The following CNTN1 variants were observed in gnomAD, a reference collection of about 807,000 sequenced individuals.
CNTN1 encodes the protein contactin-1.
CNTN1 carries 38 observed loss-of-function variants against 126.4 expected under a neutral mutation model. The ratio of observed to expected loss-of-function variants is 0.30; its 90% confidence interval spans 0.23 to 0.39. CNTN1 has a LOEUF of 0.39. CNTN1 is among the 10% of genes least tolerant of loss of function. The probability of loss-of-function intolerance (pLI) is 1.00; values close to 1 mark genes in which losing one functional copy is unlikely to be tolerated. For synonymous variants in CNTN1, 413 were observed against 422.6 expected (o/e 0.98, Z 0.28); for missense variants, 1,009 against 1,248.4 (o/e 0.81, Z 2.89).
intron 15 of CNTN1, among the ~76,000 whole-genome samples, chr12:40,968,811 A>G (rs1045277106): frequency 6.6e-6 from 1 of 152,188 alleles, no homozygotes; most frequent in African/African-American, 2.4e-5. Flanking sequence ...ATTCAACTAC[A>G]TGAATATGCT....
At chr12:40,824,987 G>T (rs1941564405) in intron 1 of CNTN1, among the ~76,000 whole-genome samples, 1 of 152,162 alleles carries the variant, frequency 6.6e-6, no homozygotes, top group African/African-American at 2.4e-5. Flanking sequence ...TAGCGACCGT[G>T]TGCATTACTC....
intron 17 of CNTN1, among the ~76,000 whole-genome samples, chr12:41,005,699 T>C (rs1485208602): frequency 6.6e-6 from 1 of 152,204 alleles, no homozygotes; most frequent in East Asian, 1.9e-4. Flanking sequence ...TTTCCTCTGC[T>C]TGGTCTATTC....
chr12:40,791,205 A>G (rs1940209393), intron 1 of CNTN1, among the ~76,000 whole-genome samples: 1 of 152,138 alleles, frequency 6.6e-6, no homozygotes, highest in East Asian at 1.9e-4. Flanking sequence ...ATTTTAGCAA[A>G]TGAAAAGAGA....
chr12:40,955,827 G>T (rs1385243453), intron 14 of CNTN1, among the ~76,000 whole-genome samples: 1 of 152,080 alleles, frequency 6.6e-6, no homozygotes, highest in Non-Finnish European at 1.5e-5. Flanking sequence ...GATATGGGAG[G>T]GGTATCCAAA....
intron 17 of CNTN1, among the ~76,000 whole-genome samples, chr12:41,007,988 G>T (rs1241717537): frequency 6.6e-6 from 1 of 152,160 alleles, no homozygotes; most frequent in Non-Finnish European, 1.5e-5. Flanking sequence ...GTTACTTTCT[G>T]CCTAAGTGAT....
At chr12:40,845,396 A>T (rs7300719) in intron 1 of CNTN1, among the ~76,000 whole-genome samples, 81,210 of 152,106 alleles carry the variant, frequency 0.53, 22,279 homozygotes, top group East Asian at 0.76. Flanking sequence ...ACACAGGTTA[A>T]TTTAACTTGT....
chr12:40,975,082 C>T (rs2137054595), intron 15 of CNTN1, among the ~76,000 whole-genome samples: 1 of 150,718 alleles, frequency 6.6e-6, no homozygotes, highest in African/African-American at 2.4e-5. Context: ...TACCAGAAAA[C>T]CCTGTCTTTG....
intron 1 of CNTN1, among the ~76,000 whole-genome samples, chr12:40,820,477 T>TGTAG (rs1941410135): frequency 6.6e-6 from 1 of 151,462 alleles, no homozygotes; most frequent in South Asian, 2.1e-4. Context: ...GGACCTGGAG[T>TGTAG]GTAGGTAACT....
chr12:40,720,409 G>GGTGT (rs10636043), intron 1 of CNTN1, among the ~76,000 whole-genome samples: 258 of 149,128 alleles, frequency 1.7e-3, no homozygotes, highest in African/African-American at 3.5e-3. Context: ...ATCTCAAAGG[G>GGTGT]GTGTGTGTGT....
chr12:40,849,150 A>C (rs1942625681), intron 1 of CNTN1, among the ~76,000 whole-genome samples: 1 of 152,114 alleles, frequency 6.6e-6, no homozygotes. Context: ...TGATCATTAA[A>C]ATGGGGATTA....
intron 15 of CNTN1, among the ~76,000 whole-genome samples, chr12:40,968,628 C>CT (rs1327889114): frequency 5.9e-5 from 9 of 152,102 alleles, no homozygotes; most frequent in African/African-American, 2.2e-4. Flanking sequence ...AATGTCTACA[C>CT]TTATAGGATT....
intron 1 of CNTN1, among the ~76,000 whole-genome samples, chr12:40,755,780 AG>A (rs1053960930): frequency 6.6e-6 from 1 of 151,966 alleles, no homozygotes; most frequent in African/African-American, 2.4e-5. Flanking sequence ...CTTATGTATA[AG>A]GGGGAAGTTT....
intron 1 of CNTN1, among the ~76,000 whole-genome samples, chr12:40,814,693 C>T (rs1941199686): frequency 6.6e-6 from 1 of 151,936 alleles, no homozygotes; most frequent in East Asian, 1.9e-4. Flanking sequence ...TTTTTTGGTT[C>T]CATATGAACT....
At chr12:40,986,028 T>A (rs1348102111) in intron 16 of CNTN1, among the ~76,000 whole-genome samples, 1 of 152,216 alleles carries the variant, frequency 6.6e-6, no homozygotes, top group Non-Finnish European at 1.5e-5. Flanking sequence ...CTTTATTGTG[T>A]TCAGGAATTT....
In CNTN1 at chr12:41,036,326, G is replaced by C. The variant is rs1431019016; in HGVS notation, c.2980+7107G>C. Among the ~76,000 whole-genome samples, 3 of 152,094 alleles carry C rather than the reference G, an allele frequency of 2.0e-5. No individual in the cohort carries two copies. In the South Asian group the frequency reaches 6.2e-4, roughly 32 times the overall value. On this transcript the variant is annotated intron_variant, in intron 23 of 23. Transcript: ENST00000551295. ...AGGGAGATGCAGGAGGGCATTGAGA[G>C]CAAGAAGAATGATGCTGAGATTCTG... is the stretch of plus-strand genomic sequence containing the variant.
intron 1 of CNTN1, among the ~76,000 whole-genome samples, chr12:40,896,558 A>G (rs1303479531): frequency 3.3e-5 from 5 of 152,180 alleles, no homozygotes; most frequent in African/African-American, 1.2e-4. Context: ...ATAGGCTCAG[A>G]TTTCCTAGGA....
At chr12:41,061,241 T>C (rs1949932391) in intron 23 of CNTN1, among the ~76,000 whole-genome samples, 1 of 152,216 alleles carries the variant, frequency 6.6e-6, no homozygotes, top group Non-Finnish European at 1.5e-5. Context: ...CAGCTTCTTA[T>C]AAAAGCTAGA....
intron 1 of CNTN1, among the ~76,000 whole-genome samples, chr12:40,864,212 G>A (rs1201055825): frequency 6.6e-6 from 1 of 151,378 alleles, no homozygotes; most frequent in Non-Finnish European, 1.5e-5. Context: ...GAGACAGGGG[G>A]TTTCACCATG....
chr12:40,873,042 A>G (rs1943556954), intron 1 of CNTN1, among the ~76,000 whole-genome samples: 1 of 152,108 alleles, frequency 6.6e-6, no homozygotes. Context: ...GCTGACACCA[A>G]CCCCATGCTG....
Sources: allele counts gnomAD v4.1 joint callset (sites outside exome capture counted in the v4.1 genomes callset), GRCh38; gene constraint gnomAD v4.1.1; transcripts MANE v1.5; gene names NCBI Gene and HGNC (gene_info 2026-07-23, HGNC 2026-07-21).